The following SIRT1 variants were observed in gnomAD, a reference collection of about 807,000 sequenced individuals.
The protein encoded by SIRT1 is sirtuin 1.
A neutral mutation model predicts 67.9 loss-of-function variants in SIRT1; 24 were observed. That is an observed-to-expected ratio of 0.35 (90% CI 0.26 to 0.50). The LOEUF (loss-of-function observed/expected upper bound fraction) is 0.50. Among genes scored for constraint, SIRT1 ranks in the 20% least tolerant of loss-of-function variants. The pLI, the probability that SIRT1 is intolerant of heterozygous loss-of-function variation, is 0.98. For missense variants in SIRT1, 873 were observed against 937.2 expected, an observed-to-expected ratio of 0.93 and a Z score of 0.89; for synonymous variants, 378 against 350.7, an observed-to-expected ratio of 1.08 and a Z score of -0.87.
intron 4 of SIRT1, among the ~76,000 whole-genome samples, chr10:67,894,677 G>T (rs1054990804): frequency 2.6e-5 from 4 of 152,210 alleles, no homozygotes; most frequent in Non-Finnish European, 4.4e-5. Flanking sequence ...CTTATAAGGT[G>T]TAGCCTCTTC....
Position 67,916,748 on chromosome 10 carries a change from TTTAAC to T in SIRT1, c.*158_*162del. 3.8e-6 allele frequency: 2 copies of T among 532,004 alleles called. No individual in the cohort carries two copies. Among genetic ancestry groups the T allele is most frequent in the Non-Finnish European group, 3.2e-6 (1 of 315,298 alleles). 33.0% of individuals were successfully genotyped at this position (532,004 alleles called of 1,614,324 possible). ...AATAGATTGTTTTTCATGGATAATT[TTTAAC>T]TTCATTATTTCTGTACTTGTACAAA... On this transcript the variant is annotated 3_prime_UTR_variant, in exon 9 of 9. Coordinates refer to ENST00000212015, the MANE Select transcript of SIRT1 (RefSeq NM_012238.5).
chr10:67,887,759 A>G (rs1842508586), intron 2 of SIRT1, among the ~76,000 whole-genome samples: 1 of 152,080 alleles, frequency 6.6e-6, no homozygotes, highest in African/African-American at 2.4e-5. Flanking sequence ...AATTTTTAGT[A>G]GAGACGGGGT....
At position 67,912,715 on chromosome 10, in the gene SIRT1, T is replaced by G; in HGVS notation, c.1599T>G (p.His533Gln). The G allele has an allele frequency of 6.2e-7, 1 of 1,614,172 alleles. No homozygotes were observed. Among genetic ancestry groups the G allele is most frequent in the Non-Finnish European group, 8.5e-7 (1 of 1,180,034 alleles). The change falls in exon 8 of 9, where the codon CAT (histidine) becomes CAG (glutamine). Residue 533 changes from histidine to glutamine, a missense_variant. Physicochemically the swap from His to Gln is conservative, Grantham distance 24. Coordinates refer to ENST00000212015, the MANE Select transcript of SIRT1 (RefSeq NM_012238.5). ...YLSELPPTPL[H>Q]VSEDSSSPER... ...CAGAGTTGCCACCCACACCTCTTCA[T>G]GTTTCAGAAGACTCAAGTTCACCAG...
chr10:67,914,095 G>A (rs1206602897), intron 8 of SIRT1, among the ~76,000 whole-genome samples: 15 of 108,802 alleles, frequency 1.4e-4, no homozygotes, highest in Admixed American at 5.3e-4. Flanking sequence ...TTTTTGTGAC[G>A]GAGTCTCACT....
rs1842500910 is a variant in SIRT1, at chr10:67,887,422, C to T, written c.436C>T (p.Leu146Phe). ...AAAAIGYRDNLLFGDEIITNG... is the reference protein window; with the variant it reads ...AAAAIGYRDNFLFGDEIITNG... ...TGACTTGGTTTCTTTTGCAGATAACCTTCTGTTCGGTGATGAAATTATCAC... is the reference window on the plus strand; with the variant it reads ...TGACTTGGTTTCTTTTGCAGATAACTTTCTGTTCGGTGATGAAATTATCAC... Residue 146 changes from leucine (L) to phenylalanine (F), a missense_variant, in exon 2 of 9, where the codon CTT (leucine) becomes TTT (phenylalanine). Transcript: ENST00000212015. The T allele has an allele frequency of 6.2e-7, 1 of 1,610,616 alleles. No individual in the cohort carries two copies. The highest frequency in any genetic ancestry group is 8.5e-7 in the Non-Finnish European group (1 of 1,177,256).
At chr10:67,889,567 A>C (rs1047891769) in intron 3 of SIRT1, among the ~76,000 whole-genome samples, 1 of 152,206 alleles carries the variant, frequency 6.6e-6, no homozygotes, top group Non-Finnish European at 1.5e-5. Flanking sequence ...CATATTAATT[A>C]AGATGATGTG....
intron 5 of SIRT1, 63 bp downstream of exon 5, chr10:67,907,000 T>C: frequency 7.3e-7 from 1 of 1,361,452 alleles, no homozygotes; most frequent in African/African-American, 1.5e-5. Context: ...ATATTTCCTA[T>C]AAAGCTGACT....
chr10:67,916,205 C>T, intron 8 of SIRT1, 60 bp from the exon 9 acceptor site: 1 of 1,419,578 alleles, frequency 7.0e-7, no homozygotes, highest in East Asian at 2.3e-5. Context: ...TCATTCCAGA[C>T]TGCTCAGACT....
rs537209054 is a variant in SIRT1 at position 67,897,193 on chromosome 10, T to C, written c.942+5639T>C. On this transcript the variant is annotated intron_variant, in intron 4 of 8. Transcript: ENST00000212015. ...AATTACTCTCTGAGCACCAGTGTGT[T>C]ACAGTGTGCTTAGCTGTGGTACCAC... Among the ~76,000 whole-genome samples the C allele has an allele frequency of 9.5e-4, 145 of 152,050 alleles. 1 individual carries two copies. The highest frequency in any genetic ancestry group is 1.6e-3 in the Non-Finnish European group (109 of 67,976).
chr10:67,898,274 GAAA>G (rs982507782), intron 4 of SIRT1, among the ~76,000 whole-genome samples: 14 of 142,024 alleles, frequency 9.9e-5, no homozygotes, highest in African/African-American at 3.8e-4. Context: ...AAAAAAAAAA[GAAA>G]AGAAAAAAAA....
At chr10:67,901,833 A>G (rs1267209659) in intron 4 of SIRT1, among the ~76,000 whole-genome samples, 1 of 152,244 alleles carries the variant, frequency 6.6e-6, no homozygotes, top group African/African-American at 2.4e-5. Flanking sequence ...AAATCAACAA[A>G]TAAAGTTTAT....
At chr10:67,905,203 T>C (rs905561642) in intron 4 of SIRT1, among the ~76,000 whole-genome samples, 21 of 152,194 alleles carry the variant, frequency 1.4e-4, no homozygotes, top group African/African-American at 5.1e-4. Flanking sequence ...CAGAGGGAGC[T>C]TTAATGAGAC....
rs534001314 is a variant in SIRT1 at position 67,904,045 on chromosome 10, A to G, written c.943-2745A>G. Among the ~76,000 whole-genome samples, 140 of 151,464 alleles carry G rather than the reference A, an allele frequency of 9.2e-4. 1 individual carries two copies. The highest frequency in any genetic ancestry group is 3.1e-3 in the African/African-American group (129 of 41,280). ...TCATTGGTTTTCAACAAGTGGTCCT[A>G]TCTTAGGAGGAGTGGTATATTAGAA... On this transcript the variant is annotated intron_variant, in intron 4 of 8. Transcript: ENST00000212015.
chr10:67,891,667 A>G (rs1165528351), intron 4 of SIRT1, 113 bp downstream of exon 4: 7 of 1,036,828 alleles, frequency 6.8e-6, no homozygotes, highest in Admixed American at 4.3e-5. Context: ...GAATGCTGCT[A>G]CTGTGGCGGA....
chr10:67,916,589 C>T lies in SIRT1; in HGVS notation c.2240C>T (p.Ser747Leu). 1.9e-6 allele frequency: 3 copies of T among 1,605,896 alleles called. No individual in the cohort carries two copies. Among genetic ancestry groups the T allele is most frequent in the Non-Finnish European group, 1.7e-6 (2 of 1,174,104 alleles). ...GACATGAACTATCCATCAAACAAAT[C>T]ATAGTGTAATAATTGTGCAGGTACA... ...VTDMNYPSNKS is the reference protein window; with the variant it reads ...VTDMNYPSNKL Residue 747 changes from serine (S) to leucine (L), a missense_variant, in exon 9 of 9, where the codon TCA (serine) becomes TTA (leucine). Coordinates refer to ENST00000212015, the MANE Select transcript of SIRT1 (RefSeq NM_012238.5).
intron 4 of SIRT1, chr10:67,906,384 G>GC (rs1842820900): frequency 2.3e-6 from 3 of 1,277,034 alleles, no homozygotes; most frequent in African/African-American, 1.5e-5. Context: ...TATTGACAGT[G>GC]CTTTTTTTTT....
chr10:67,887,308 G>A (rs1842498610), intron 1 of SIRT1, 109 bp from the exon 2 acceptor site: 2 of 710,950 alleles, frequency 2.8e-6, no homozygotes, highest in South Asian at 1.6e-5. Context: ...TACACACGCC[G>A]TGTAAATGTT....
intron 5 of SIRT1, among the ~76,000 whole-genome samples, chr10:67,907,182 A>T (rs1277758099): frequency 1.3e-5 from 2 of 152,228 alleles, no homozygotes; most frequent in African/African-American, 2.4e-5. Context: ...CTGCAGTTGC[A>T]TGCATTCAAT....
intron 3 of SIRT1, among the ~76,000 whole-genome samples, chr10:67,891,047 A>C (rs953044939): frequency 6.0e-5 from 9 of 149,736 alleles, no homozygotes; most frequent in African/African-American, 1.5e-4. Context: ...AAAAAAACAA[A>C]AAAAAAAAGA....
Sources: allele counts gnomAD v4.1 joint callset (sites outside exome capture counted in the v4.1 genomes callset), GRCh38; gene constraint gnomAD v4.1.1; transcripts MANE v1.5; gene names NCBI Gene and HGNC (gene_info 2026-07-23, HGNC 2026-07-21).